The following NAALADL2 variants were observed in gnomAD, a reference collection of about 807,000 sequenced individuals.
The protein encoded by NAALADL2 is inactive N-acetylated-alpha-linked acidic dipeptidase-like protein 2.
NAALADL2 carries 76 observed loss-of-function variants against 87.2 expected under a neutral mutation model. The ratio of observed to expected loss-of-function variants is 0.87; its 90% confidence interval spans 0.72 to 1.05. The LOEUF (loss-of-function observed/expected upper bound fraction) is 1.05, where lower values mean the gene tolerates loss of function less well. NAALADL2 is among the 50% of genes least tolerant of loss of function. NAALADL2 has a pLI of 0.00. For synonymous variants in NAALADL2, 354 were observed against 331.0 expected, an observed-to-expected ratio of 1.07 and a Z score of -0.75; for missense variants, 1,089 against 945.8, an observed-to-expected ratio of 1.15 and a Z score of -1.99.
At chr3:174,775,883 G>T (rs1715149455) in intron 3 of NAALADL2, among the ~76,000 whole-genome samples, 1 of 152,106 alleles carries the variant, frequency 6.6e-6, no homozygotes, top group Non-Finnish European at 1.5e-5. Flanking sequence ...TTCCGTAAAG[G>T]GCAATCTGAG....
intron 2 of NAALADL2, among the ~76,000 whole-genome samples, chr3:175,185,889 C>T (rs532706773): frequency 1.3e-5 from 2 of 151,584 alleles, no homozygotes; most frequent in East Asian, 1.9e-4. Flanking sequence ...ATTTTACTTT[C>T]ATCATTCTTT....
At chr3:174,870,324 C>T (rs1727664314) in intron 1 of NAALADL2, among the ~76,000 whole-genome samples, 1 of 152,108 alleles carries the variant, frequency 6.6e-6, no homozygotes, top group Non-Finnish European at 1.5e-5. Context: ...CACCCATGCT[C>T]CACTGCCCAT....
intron 5 of NAALADL2, among the ~76,000 whole-genome samples, chr3:175,335,707 TGA>T (rs1334169329): frequency 6.6e-6 from 1 of 152,216 alleles, no homozygotes; most frequent in Non-Finnish European, 1.5e-5. Flanking sequence ...CAATTTCATT[TGA>T]GAGATGTGTC....
intron 2 of NAALADL2, among the ~76,000 whole-genome samples, chr3:174,606,459 A>G (rs1719076246): frequency 6.6e-6 from 1 of 152,160 alleles, no homozygotes; most frequent in Admixed American, 6.5e-5. Flanking sequence ...AATAACCAAT[A>G]TAGAGAAGTG....
chr3:175,515,798 T>G (rs1157313961), intron 9 of NAALADL2, among the ~76,000 whole-genome samples: 1 of 152,136 alleles, frequency 6.6e-6, no homozygotes, highest in Non-Finnish European at 1.5e-5. Context: ...GTTTCTCTAT[T>G]TTTTTCCTCT....
chr3:175,597,279 C>A (rs531509708), intron 10 of NAALADL2, among the ~76,000 whole-genome samples: 2 of 151,820 alleles, frequency 1.3e-5, no homozygotes, highest in African/African-American at 4.8e-5. Context: ...AGGGAAAACC[C>A]GAATATGGAT....
intron 10 of NAALADL2, among the ~76,000 whole-genome samples, chr3:175,606,938 A>G (rs953809778): frequency 6.6e-6 from 1 of 152,150 alleles, no homozygotes; most frequent in African/African-American, 2.4e-5. Context: ...TTAACAAGCA[A>G]TTGAGTTGCT....
chr3:174,651,366 T>C (rs750859250), intron 2 of NAALADL2, among the ~76,000 whole-genome samples: 1 of 152,142 alleles, frequency 6.6e-6, no homozygotes, highest in Non-Finnish European at 1.5e-5. Flanking sequence ...CAAACAAAAC[T>C]TGGAGTGGAT....
At chr3:174,927,301 G>A (rs1417383163) in intron 1 of NAALADL2, among the ~76,000 whole-genome samples, 6 of 151,860 alleles carry the variant, frequency 4.0e-5, no homozygotes, top group African/African-American at 9.7e-5. Flanking sequence ...CAGATCAACG[G>A]GACAGAAAGT....
intron 2 of NAALADL2, among the ~76,000 whole-genome samples, chr3:175,104,042 G>A (rs1430963922): frequency 6.6e-6 from 1 of 152,020 alleles, no homozygotes; most frequent in Non-Finnish European, 1.5e-5. Context: ...TCAGACATTA[G>A]GTTTGTTTAC....
At chr3:175,145,403 A>G (rs187693691) in intron 2 of NAALADL2, among the ~76,000 whole-genome samples, 3 of 152,232 alleles carry the variant, frequency 2.0e-5, no homozygotes, top group East Asian at 1.9e-4. Flanking sequence ...CCACAAACAT[A>G]TATCTGTGTT....
At chr3:175,384,465 G>A (rs187206911) in intron 5 of NAALADL2, among the ~76,000 whole-genome samples, 24 of 151,882 alleles carry the variant, frequency 1.6e-4, no homozygotes, top group Non-Finnish European at 2.4e-4. Context: ...TAATACTTTC[G>A]GTTCTTTGAT....
At chr3:175,255,249 T>TA (rs1445559189) in intron 3 of NAALADL2, among the ~76,000 whole-genome samples, 26 of 152,212 alleles carry the variant, frequency 1.7e-4, no homozygotes, top group African/African-American at 6.0e-4. Context: ...GAAGAAATAT[T>TA]TCATGCCAGA....
chr3:174,614,412 A>G (rs968919682), intron 2 of NAALADL2, among the ~76,000 whole-genome samples: 2 of 152,118 alleles, frequency 1.3e-5, no homozygotes, highest in Admixed American at 6.5e-5. Flanking sequence ...GCTGGTTCAA[A>G]TGCTTCTTCC....
chr3:174,971,537 G>A (rs1457000573), intron 1 of NAALADL2, among the ~76,000 whole-genome samples: 1 of 152,048 alleles, frequency 6.6e-6, no homozygotes, highest in Non-Finnish European at 1.5e-5. Context: ...CTGTCCTTCT[G>A]GTATTGGGCA....
chr3:174,826,365 A>C (rs888562036), intron 3 of NAALADL2, among the ~76,000 whole-genome samples: 2 of 152,150 alleles, frequency 1.3e-5, no homozygotes, highest in Non-Finnish European at 2.9e-5. Context: ...ACCTCAGACA[A>C]GTTTCTTTTT....
chr3:174,779,180 G>A (rs1000489744), intron 3 of NAALADL2, among the ~76,000 whole-genome samples: 3 of 152,146 alleles, frequency 2.0e-5, no homozygotes, highest in Non-Finnish European at 2.9e-5. Context: ...TCTAACTGGC[G>A]TGAGATGGTA....
At chr3:175,699,282 A>G (rs1738644479) in intron 11 of NAALADL2, among the ~76,000 whole-genome samples, 1 of 151,902 alleles carries the variant, frequency 6.6e-6, no homozygotes, top group African/African-American at 2.4e-5. Context: ...CACTACATAT[A>G]TATAATTATT....
intron 4 of NAALADL2, among the ~76,000 whole-genome samples, chr3:175,285,264 T>C (rs114399958): frequency 0.01 from 1,578 of 152,232 alleles, 26 homozygotes; most frequent in African/African-American, 0.036. Context: ...TACTTGTTTT[T>C]TAAAAAGGTA....
Sources: allele counts gnomAD v4.1 joint callset (sites outside exome capture counted in the v4.1 genomes callset), GRCh38; gene constraint gnomAD v4.1.1; transcripts MANE v1.5; gene names NCBI Gene and HGNC (gene_info 2026-07-23, HGNC 2026-07-21).